BCAS3: variants seen among roughly 807,000 people sequenced by gnomAD.
BCAS3 encodes BCAS4/BCAS3 fusion.
BCAS3 carries 53 observed loss-of-function variants against 116.1 expected under a neutral mutation model. That is an observed-to-expected ratio of 0.46 (90% CI 0.37 to 0.57). BCAS3 has a LOEUF of 0.57. Among genes scored for constraint, BCAS3 ranks in the 20% least tolerant of loss-of-function variants. The pLI is 0.00. For synonymous variants in BCAS3, 391 were observed against 408.2 expected, an observed-to-expected ratio of 0.96 and a Z score of 0.51; for missense variants, 917 against 1,165.4, an observed-to-expected ratio of 0.79 and a Z score of 3.10.
Position 61,392,425 on chromosome 17 carries a change from A to C in BCAS3, c.*300A>C. ...CATTGGATCCGCTTTTGTATTTTTT[A>C]ACCATACCCACGGTGGGGCGGGTGG... is the stretch of plus-strand genomic sequence containing the variant. On this transcript the variant is annotated 3_prime_UTR_variant, in exon 24 of 24. Coordinates refer to ENST00000407086, the MANE Select transcript of BCAS3 (RefSeq NM_017679.5). This position sits in a 1 kb window ranked among gnomAD's most constrained non-coding sequence, Gnocchi z 6.4. The C allele has an allele frequency of 1.0e-5, 2 of 191,284 alleles. No homozygotes were observed. The highest frequency in any genetic ancestry group is 2.1e-5 in the Non-Finnish European group (2 of 95,266). 11.8% of individuals were successfully genotyped at this position (191,284 alleles called of 1,614,324 possible). A position where few individuals can be genotyped will look rare whatever the true frequency, so the allele number is the denominator to read the frequency against.
chr17:61,373,896 C>T (rs1234967512), intron 23 of BCAS3, among the ~76,000 whole-genome samples: 1 of 138,318 alleles, frequency 7.2e-6, no homozygotes, highest in Non-Finnish European at 1.5e-5. Flanking sequence ...CTCATGGGTT[C>T]AAGCGAATCG....
intron 22 of BCAS3, among the ~76,000 whole-genome samples, chr17:61,166,311 AG>A (rs2078487696): frequency 7.9e-5 from 12 of 151,766 alleles, no homozygotes; most frequent in Admixed American, 7.9e-4. Flanking sequence ...CCCTTCTAAT[AG>A]CAAATAGCTC....
intron 22 of BCAS3, among the ~76,000 whole-genome samples, chr17:61,154,307 C>A (rs1303510583): frequency 6.6e-6 from 1 of 152,162 alleles, no homozygotes; most frequent in African/African-American, 2.4e-5. Flanking sequence ...GCAACTATTT[C>A]TAAACCTTTG....
At chr17:60,988,947 T>TA (rs1399632229) in intron 14 of BCAS3, among the ~76,000 whole-genome samples, 3 of 152,098 alleles carry the variant, frequency 2.0e-5, no homozygotes, top group Admixed American at 6.5e-5. Context: ...CTCTTGCTTT[T>TA]CTATTTCTTT....
In BCAS3 at chr17:61,087,922, A is replaced by G. The variant is rs112449864; in HGVS notation, c.2425+3358A>G. ...TACCAGCTGGGCGCAGTGGATCACA[A>G]CTATAATCCTAGCACTTTGGGAGGC... On this transcript the variant is annotated intron_variant, in intron 22 of 23. Coordinates refer to ENST00000407086, the MANE Select transcript of BCAS3 (RefSeq NM_017679.5). This position sits in a 1 kb window ranked among gnomAD's most constrained non-coding sequence, Gnocchi z 4.6. Among the ~76,000 whole-genome samples, 8 of 152,210 alleles carry G rather than the reference A, an allele frequency of 5.3e-5. No individual in the cohort carries two copies. The highest frequency in any genetic ancestry group is 1.9e-4 in the African/African-American group (8 of 41,520).
chr17:61,252,827 C>T (rs1313464352), intron 22 of BCAS3, among the ~76,000 whole-genome samples: 1 of 151,782 alleles, frequency 6.6e-6, no homozygotes, highest in African/African-American at 2.4e-5. Flanking sequence ...CTAAGCTGCC[C>T]TTTCTTCCTT....
chr17:61,246,827 G>A (rs868217545), intron 22 of BCAS3, among the ~76,000 whole-genome samples: 2 of 149,790 alleles, frequency 1.3e-5, no homozygotes, highest in African/African-American at 5.0e-5. Flanking sequence ...GTGTGTGTGT[G>A]TGTATGTGTG....
intron 13 of BCAS3, among the ~76,000 whole-genome samples, chr17:60,931,841 G>A (rs999903364): frequency 6.6e-6 from 1 of 152,166 alleles, no homozygotes; most frequent in Non-Finnish European, 1.5e-5. Flanking sequence ...GGGAGGCCAA[G>A]GCAGGTGGAT....
At chr17:61,102,743 G>C (rs752161916) in intron 22 of BCAS3, among the ~76,000 whole-genome samples, 8 of 152,054 alleles carry the variant, frequency 5.3e-5, no homozygotes, top group Non-Finnish European at 1.2e-4. Context: ...CATAAGAAGA[G>C]TATAGGAACA....
Position 61,343,831 on chromosome 17 carries a change from G to A in BCAS3, c.2426-24496G>A, listed in dbSNP as rs917126033. ...GAGAGAGAAGCAAATCTGTGTCAGC[G>A]TTCTTTGCTCAGTTCTGCTCTGCAG... is the stretch of plus-strand genomic sequence containing the variant. On this transcript the variant is annotated intron_variant, in intron 22 of 23. Transcript: ENST00000407086. This position sits in a 1 kb window ranked among gnomAD's most constrained non-coding sequence, Gnocchi z 5.5. Among the ~76,000 whole-genome samples the A allele has an allele frequency of 4.6e-5, 7 of 152,198 alleles. No individual in the cohort carries two copies. Among genetic ancestry groups the A allele is most frequent in the South Asian group, 4.1e-4 (2 of 4,830 alleles).
rs886451670 is a variant in BCAS3 at position 61,343,903 on chromosome 17, G to A, written c.2426-24424G>A. ...TCTTTGGACCACCTCCTCCCCTTTC[G>A]CTTCCTTCCACACAGTCCAGTGCTT... is the stretch of plus-strand genomic sequence containing the variant. On this transcript the variant is annotated intron_variant, in intron 22 of 23. Transcript: ENST00000407086. This position sits in a 1 kb window ranked among gnomAD's most constrained non-coding sequence, Gnocchi z 5.5. Among the ~76,000 whole-genome samples, 10 of 152,218 alleles carry A rather than the reference G, an allele frequency of 6.6e-5. No homozygotes were observed. Among genetic ancestry groups the A allele is most frequent in the South Asian group, 2.1e-4 (1 of 4,812 alleles).
At chr17:60,899,467 A>C (rs2057732305) in intron 10 of BCAS3, among the ~76,000 whole-genome samples, 1 of 151,800 alleles carries the variant, frequency 6.6e-6, no homozygotes, top group Non-Finnish European at 1.5e-5. Flanking sequence ...GAATGAGCCC[A>C]GATCACACCC....
At chr17:60,871,872 AC>A (rs1397707375) in intron 8 of BCAS3, among the ~76,000 whole-genome samples, 1 of 150,812 alleles carries the variant, frequency 6.6e-6, no homozygotes, top group African/African-American at 2.4e-5. Context: ...CATTCATTAG[AC>A]CCTTAGGAAG....
chr17:60,715,140 T>C (rs1395350247), intron 5 of BCAS3, among the ~76,000 whole-genome samples: 2 of 149,940 alleles, frequency 1.3e-5, no homozygotes, highest in African/African-American at 4.9e-5. Flanking sequence ...TTCTTTTTTT[T>C]TTTTTTTTTT....
In BCAS3 at chr17:61,199,580, G is replaced by A. The variant is rs1738292816; in HGVS notation, c.2425+115016G>A. 6.6e-6 allele frequency among the ~76,000 whole-genome samples: 1 copy of A among 152,098 alleles called. No homozygotes were observed. The highest frequency in any genetic ancestry group is 2.1e-4 in the South Asian group (1 of 4,824). ...TGCACCTTGTGAAAGGTTAGAACTG[G>A]GATAATAACTGTGATGAACAAGTTA... On this transcript the variant is annotated intron_variant, in intron 22 of 23. Transcript: ENST00000407086. The surrounding 1 kb of genome is among the most constrained non-coding windows in gnomAD (Gnocchi z 4.6).
chr17:61,139,272 G>C lies in BCAS3; in HGVS notation c.2425+54708G>C, dbSNP rs189202663. Among the ~76,000 whole-genome samples, 2 of 152,334 alleles carry C rather than the reference G, an allele frequency of 1.3e-5. No homozygotes were observed. Among genetic ancestry groups the C allele is most frequent in the Non-Finnish European group, 2.9e-5 (2 of 68,034 alleles). On this transcript the variant is annotated intron_variant, in intron 22 of 23. Transcript: ENST00000407086. The surrounding 1 kb of genome is among the most constrained non-coding windows in gnomAD (Gnocchi z 4.7). ...GTTGGAGGACTTAAAAAGAAAGTGT[G>C]AAGATTTTTTTTTCTTCATTTCCTG...
In BCAS3 at chr17:60,973,095, G is replaced by T. The variant is rs138043785; in HGVS notation, c.1222-16876G>T. On this transcript the variant is annotated intron_variant, in intron 14 of 23. Coordinates refer to ENST00000407086, the MANE Select transcript of BCAS3 (RefSeq NM_017679.5). ...TTAACAATGGTTTTTTAAAATCAGT[G>T]TTTATTTTTTATCACGTTATAAAAT... Among the ~76,000 whole-genome samples the T allele has an allele frequency of 8.9e-3, 1,355 of 152,236 alleles. 13 individuals carry two copies. Among genetic ancestry groups the T allele is most frequent in the Non-Finnish European group, 0.015 (1,017 of 68,002 alleles).
intron 9 of BCAS3, among the ~76,000 whole-genome samples, chr17:60,882,617 T>G (rs2056276213): frequency 6.6e-6 from 1 of 151,806 alleles, no homozygotes; most frequent in South Asian, 2.1e-4. Flanking sequence ...TTGATTTTTG[T>G]ATAAGGTGTA....
chr17:60,774,213 G>GT (rs373936086), intron 6 of BCAS3, among the ~76,000 whole-genome samples: 1 of 151,454 alleles, frequency 6.6e-6, no homozygotes, highest in Non-Finnish European at 1.5e-5. Flanking sequence ...GTTTCTTCAT[G>GT]TTTTTTTTCT....
Sources: gnomAD v4.1 joint callset for allele counts (sites outside exome capture counted in the v4.1 genomes callset) on GRCh38, gnomAD v4.1.1 for gene constraint, Gnocchi (gnomAD v3.1) non-coding constraint, MANE v1.5 for transcripts, NCBI Gene and HGNC (gene_info 2026-07-23, HGNC 2026-07-21) for gene names.